The following NCKAP5 variants were observed in gnomAD, a reference collection of about 807,000 sequenced individuals.
NCKAP5 encodes the protein nck-associated protein 5.
A neutral mutation model predicts 167.0 loss-of-function variants in NCKAP5; 92 were observed. The ratio of observed to expected loss-of-function variants is 0.55; its 90% CI spans 0.47 to 0.66. The LOEUF is 0.66. NCKAP5 is among the 30% of genes least tolerant of loss of function. The probability of loss-of-function intolerance (pLI) is 0.00; values close to 1 mark genes in which losing one functional copy is unlikely to be tolerated. For synonymous variants in NCKAP5, 891 were observed against 877.4 expected (o/e 1.02, Z -0.27); for missense variants, 2,378 against 2,315.0 (o/e 1.03, Z -0.56).
intron 8 of NCKAP5, among the ~76,000 whole-genome samples, chr2:132,946,698 G>A (rs1379062627): frequency 6.6e-6 from 1 of 152,030 alleles, no homozygotes; most frequent in Non-Finnish European, 1.5e-5. Flanking sequence ...GAAGTTCAAG[G>A]CCAGCCTAGG....
chr2:132,905,061 C>T (rs1052227239), intron 8 of NCKAP5, among the ~76,000 whole-genome samples: 1 of 152,146 alleles, frequency 6.6e-6, no homozygotes, highest in African/African-American at 2.4e-5. Context: ...ACTTAAATAG[C>T]CACTTTTGTT....
intron 5 of NCKAP5, among the ~76,000 whole-genome samples, chr2:133,146,614 G>A (rs535896191): frequency 3.3e-5 from 5 of 152,154 alleles, no homozygotes; most frequent in Non-Finnish European, 5.9e-5. Flanking sequence ...TGGTGAATGC[G>A]AGGGGCAAGC....
intron 3 of NCKAP5, among the ~76,000 whole-genome samples, chr2:133,509,938 G>T (rs577746327): frequency 1.3e-5 from 2 of 152,316 alleles, no homozygotes; most frequent in African/African-American, 4.8e-5. Flanking sequence ...TCCGGAACAT[G>T]TGGCTTCGAT....
intron 11 of NCKAP5, among the ~76,000 whole-genome samples, chr2:132,810,674 CT>C (rs1408911816): frequency 6.6e-6 from 1 of 152,042 alleles, no homozygotes; most frequent in African/African-American, 2.4e-5. Context: ...CCATTCACTT[CT>C]TGTATTAATT....
intron 8 of NCKAP5, chr2:132,931,197 A>G (rs1267514715): frequency 6.6e-6 from 1 of 152,248 alleles, no homozygotes; most frequent in African/African-American, 2.4e-5. Context: ...CTGTTGTTAA[A>G]GCAAACTAAG....
chr2:133,290,199 G>T (rs889904621), intron 4 of NCKAP5, among the ~76,000 whole-genome samples: 1 of 152,062 alleles, frequency 6.6e-6, no homozygotes, highest in Non-Finnish European at 1.5e-5. Flanking sequence ...TGTAAAAGTA[G>T]CTTGATCTAC....
chr2:133,581,883 C>CT, the NCKAP5 span, among the ~76,000 whole-genome samples: 24 of 152,322 alleles, frequency 1.6e-4, no homozygotes, highest in African/African-American at 5.8e-4. Flanking sequence ...ATATTCCTTT[C>CT]TTTCAATAGT....
At chr2:132,738,310 TC>T (rs1222220119) in intron 16 of NCKAP5, among the ~76,000 whole-genome samples, 4 of 152,102 alleles carry the variant, frequency 2.6e-5, no homozygotes, top group African/African-American at 9.7e-5. Context: ...TGTTCTAACA[TC>T]CTCCTCAGTC....
chr2:133,004,452 G>C (rs1367398548), intron 6 of NCKAP5, among the ~76,000 whole-genome samples: 1 of 152,054 alleles, frequency 6.6e-6, no homozygotes, highest in Non-Finnish European at 1.5e-5. Flanking sequence ...CTCTGGGGGT[G>C]GGCATCACAT....
In NCKAP5 at chr2:132,782,514, G is replaced by A; in HGVS notation, c.4297C>T (p.His1433Tyr). 6.2e-7 allele frequency: 1 copy of A among 1,603,716 alleles called. No homozygotes were observed. Among genetic ancestry groups the A allele is most frequent in the Non-Finnish European group, 8.5e-7 (1 of 1,175,372 alleles). The change falls in exon 14 of 20, where the codon CAT becomes TAT. Residue 1433 changes from histidine to tyrosine, a missense_variant. Transcript: ENST00000409261. ...EALQSPGRTQ[H>Y]PSTFETSSTS... ...CTGCTTGTTTCAAAAGTGCTTGGAT[G>A]CTGAGTCCTCCCTGGGCTCTGCAGG... is the stretch of plus-strand genomic sequence containing the variant.
At chr2:132,710,701 C>T (rs553413338) in intron 19 of NCKAP5, among the ~76,000 whole-genome samples, 1 of 152,292 alleles carries the variant, frequency 6.6e-6, no homozygotes, top group Admixed American at 6.5e-5. Flanking sequence ...GCTCATTTTG[C>T]TCTTTCATCT....
At chr2:132,737,117 C>T (rs1691599457) in intron 16 of NCKAP5, among the ~76,000 whole-genome samples, 1 of 152,120 alleles carries the variant, frequency 6.6e-6, no homozygotes, top group South Asian at 2.1e-4. Context: ...AGTTGTATCG[C>T]ACATAGGAAA....
chr2:133,032,581 C>T (rs1437409939), intron 6 of NCKAP5, among the ~76,000 whole-genome samples: 2 of 152,160 alleles, frequency 1.3e-5, no homozygotes, highest in African/African-American at 4.8e-5. Flanking sequence ...GGCTTTGCCA[C>T]CTGCTTATTG....
At chr2:133,077,738 A>G (rs1218252986) in intron 6 of NCKAP5, among the ~76,000 whole-genome samples, 4 of 152,148 alleles carry the variant, frequency 2.6e-5, no homozygotes, top group African/African-American at 9.7e-5. Flanking sequence ...AACTCCTACA[A>G]GTTATTTCCC....
At chr2:133,374,007 G>C (rs546414340) in intron 3 of NCKAP5, among the ~76,000 whole-genome samples, 1 of 152,022 alleles carries the variant, frequency 6.6e-6, no homozygotes, top group Non-Finnish European at 1.5e-5. Flanking sequence ...CACATGCCTG[G>C]GTATTTACCC....
chr2:133,027,340 C>T lies in NCKAP5; in HGVS notation c.342-33101G>A, dbSNP rs368525376. Among the ~76,000 whole-genome samples, 14 of 152,286 alleles carry T rather than the reference C, an allele frequency of 9.2e-5. No individual in the cohort carries two copies. In the East Asian group the frequency reaches 1.2e-3, roughly 13 times the overall value. On this transcript the variant is annotated intron_variant, in intron 6 of 19. Transcript: ENST00000409261. ...TTAAAGGATTATAGATTATATGTCACTAAACAATTTATTGGTACCTATATT... is the reference window on the plus strand; with the variant it reads ...TTAAAGGATTATAGATTATATGTCATTAAACAATTTATTGGTACCTATATT...
At chr2:133,647,376 A>AAGAAAGGAAGG in the NCKAP5 span, among the ~76,000 whole-genome samples, 2 of 82,482 alleles carry the variant, frequency 2.4e-5, no homozygotes, top group Admixed American at 1.6e-4. Context: ...AGGAAGAAAG[A>AAGAAAGGAAGG]AAGGAAGGAA....
rs1683499397 is a variant in NCKAP5, at chr2:132,785,583, T to C, written c.1228A>G (p.Lys410Glu). The C allele has an allele frequency of 2.5e-6, 4 of 1,593,010 alleles. No individual in the cohort carries two copies. Among genetic ancestry groups the C allele is most frequent in the Non-Finnish European group, 2.6e-6 (3 of 1,170,386 alleles). The change falls in exon 14 of 20, where the codon AAG becomes GAG. Residue 410 changes from lysine to glutamate, a missense_variant. This residue lies in a region of NCKAP5 where 1,049 missense variants were observed against 1,023.4 expected (regional missense o/e 1.02). Coordinates refer to ENST00000409261, the MANE Select transcript of NCKAP5 (RefSeq NM_207363.3). ...GGGGGTTCAAGTAACACTTTTCGCTTCTGTAGCTTTCTTAGCCCTTCCAAA... is the reference window on the plus strand; with the variant it reads ...GGGGGTTCAAGTAACACTTTTCGCTCCTGTAGCTTTCTTAGCCCTTCCAAA... Reference protein sequence around the residue: ...HILEGLRKLQKRKVLLEPPSV... With the variant: ...HILEGLRKLQERKVLLEPPSV...
At chr2:133,179,832 G>A (rs185978113) in intron 5 of NCKAP5, among the ~76,000 whole-genome samples, 1,524 of 152,056 alleles carry the variant, frequency 0.01, 29 homozygotes, top group African/African-American at 0.035. Flanking sequence ...ATAATGAACA[G>A]TGTCTCAGGA....
Sources: gnomAD v4.1 joint callset for allele counts (sites outside exome capture counted in the v4.1 genomes callset) on GRCh38, gnomAD v4.1.1 for gene constraint, gnomAD v4.1.1 regional missense constraint, MANE v1.5 for transcripts, NCBI Gene and HGNC (gene_info 2026-07-23, HGNC 2026-07-21) for gene names.